OCA2: variants seen among roughly 807,000 people sequenced by gnomAD.
The protein encoded by OCA2 is P protein.
Under a neutral mutation model 100.2 loss-of-function variants are expected in OCA2, and 77 were observed. The ratio of observed to expected loss-of-function variants is 0.77; its 90% confidence interval spans 0.64 to 0.93. The LOEUF is 0.93. OCA2 is among the 40% of genes least tolerant of loss of function. The pLI is 0.00. For missense variants in OCA2, 1,062 were observed against 1,089.1 expected (o/e 0.98, Z 0.35); for synonymous variants, 432 against 439.2 (o/e 0.98, Z 0.21).
intron 19 of OCA2, among the ~76,000 whole-genome samples, chr15:27,888,371 G>A (rs183707257): frequency 4.3e-4 from 65 of 152,224 alleles, no homozygotes; most frequent in African/African-American, 1.5e-3. Flanking sequence ...TAAAATAATA[G>A]ACAAAATATC....
chr15:28,089,962 T>G (rs2044844964), intron 1 of OCA2, among the ~76,000 whole-genome samples: 1 of 152,022 alleles, frequency 6.6e-6, no homozygotes, highest in Non-Finnish European at 1.5e-5. Context: ...AAAAATAAAA[T>G]TAAATAACAA....
intron 19 of OCA2, among the ~76,000 whole-genome samples, chr15:27,899,778 C>CT (rs1312952956): frequency 6.6e-6 from 1 of 152,174 alleles, no homozygotes; most frequent in Admixed American, 6.5e-5. Context: ...GGGTGCCACC[C>CT]TACAGCATGC....
chr15:27,986,440 T>C (rs2041353859), intron 12 of OCA2, 147 bp downstream of exon 12: 1 of 647,566 alleles, frequency 1.5e-6, no homozygotes. Flanking sequence ...ATAGCAAGTA[T>C]ACCCTGCCCT....
At chr15:28,020,342 G>A (rs941848405) in intron 6 of OCA2, among the ~76,000 whole-genome samples, 2 of 152,196 alleles carry the variant, frequency 1.3e-5, no homozygotes, top group African/African-American at 2.4e-5. Flanking sequence ...TGCTGTGCTC[G>A]CCTGGGATCT....
intron 23 of OCA2, among the ~76,000 whole-genome samples, chr15:27,830,825 A>C (rs978567411): frequency 6.6e-6 from 1 of 152,202 alleles, no homozygotes; most frequent in South Asian, 2.1e-4. Flanking sequence ...ACTGGTTAAC[A>C]ATCTCCCAGT....
Position 28,014,766 on chromosome 15 carries a change from T to A in OCA2, c.1044+10A>T. On this transcript the variant is annotated intron_variant, in intron 9 of 23. Transcript: ENST00000354638. ...CCCAGACAGATCGGGGGAGCAGGTG[T>A]GAAAGTTACCTCAAATATGATCAGC... 3.7e-6 allele frequency: 6 copies of A among 1,611,122 alleles called. No individual in the cohort carries two copies. The highest frequency in any genetic ancestry group is 5.1e-6 in the Non-Finnish European group (6 of 1,179,578).
At chr15:28,017,920 A>G (rs1277321372) in intron 7 of OCA2, among the ~76,000 whole-genome samples, 4 of 152,136 alleles carry the variant, frequency 2.6e-5, no homozygotes, top group Non-Finnish European at 5.9e-5. Flanking sequence ...CCTTTGCAGG[A>G]TGTGAATGAA....
chr15:27,869,455 A>G (rs17566498), intron 21 of OCA2, among the ~76,000 whole-genome samples: 10,760 of 152,326 alleles, frequency 0.071, 845 homozygotes, highest in African/African-American at 0.19. Context: ...TGTGGTGAAC[A>G]TATGGATATT....
intron 18 of OCA2, among the ~76,000 whole-genome samples, chr15:27,934,457 C>T (rs977589): frequency 0.31 from 47,343 of 152,096 alleles, 9,519 homozygotes; most frequent in Non-Finnish European, 0.46. Context: ...TTCACCGCTC[C>T]TCTAACACAG....
At chr15:27,907,149 A>G (rs529129775) in intron 19 of OCA2, among the ~76,000 whole-genome samples, 1 of 152,330 alleles carries the variant, frequency 6.6e-6, no homozygotes, top group South Asian at 2.1e-4. Flanking sequence ...AAACATAGCA[A>G]TTAATAACTT....
intron 21 of OCA2, among the ~76,000 whole-genome samples, chr15:27,859,124 AG>A (rs1241350698): frequency 2.0e-5 from 3 of 152,082 alleles, no homozygotes; most frequent in Admixed American, 6.5e-5. Flanking sequence ...AACTATAAAA[AG>A]GCAAGCAAAC....
chr15:27,994,874 A>G (rs1036972059), intron 9 of OCA2, among the ~76,000 whole-genome samples: 1 of 152,098 alleles, frequency 6.6e-6, no homozygotes, highest in African/African-American at 2.4e-5. Context: ...TAAATTCCAG[A>G]TAGGTGGGAT....
At chr15:28,025,781 A>T (rs2042730914) in intron 4 of OCA2, among the ~76,000 whole-genome samples, 1 of 152,262 alleles carries the variant, frequency 6.6e-6, no homozygotes, top group African/African-American at 2.4e-5. Context: ...ATGCTGGTAC[A>T]TAGCCCATGC....
In OCA2 at chr15:27,957,667, T is replaced by TAG; in HGVS notation, c.1704_1705insCT (p.Thr569LeufsTer60). On this transcript the variant is annotated frameshift_variant, in exon 16 of 24. Coordinates refer to ENST00000354638, the MANE Select transcript of OCA2 (RefSeq NM_000275.3). LOFTEE classifies it high-confidence loss of function. The surrounding 1 kb of genome is among the most constrained non-coding windows in gnomAD (Gnocchi z 4.3). The stretch of plus-strand genomic sequence containing the variant: ...CCCAGCAGCAGGCGGCGCACAGCTG[T>TAG]CTCCTCGCGGCTGGCCGGGCTGATG... 1 of 1,613,060 alleles carries TAG rather than the reference T, an allele frequency of 6.2e-7. No individual in the cohort carries two copies. Among genetic ancestry groups the TAG allele is most frequent in the African/African-American group, 1.3e-5 (1 of 75,016 alleles).
intron 22 of OCA2, among the ~76,000 whole-genome samples, chr15:27,850,615 C>G (rs1259772375): frequency 1.3e-5 from 2 of 152,164 alleles, no homozygotes; most frequent in African/African-American, 4.8e-5. Context: ...CACTGAATGA[C>G]ATTAATCCCC....
At chr15:27,722,760 CCTTT>C in the OCA2 span, among the ~76,000 whole-genome samples, 5 of 137,688 alleles carry the variant, frequency 3.6e-5, no homozygotes, top group East Asian at 2.1e-4. Flanking sequence ...TTCTTTCCTT[CCTTT>C]CTTTCTTTTC....
chr15:27,829,197 T>C (rs2034848773), intron 23 of OCA2, among the ~76,000 whole-genome samples: 1 of 152,000 alleles, frequency 6.6e-6, no homozygotes, highest in Non-Finnish European at 1.5e-5. Context: ...GATGGATAGA[T>C]GCTAAATGAG....
intron 21 of OCA2, among the ~76,000 whole-genome samples, chr15:27,851,797 A>G (rs2035762398): frequency 6.6e-6 from 1 of 151,986 alleles, no homozygotes; most frequent in Non-Finnish European, 1.5e-5. Context: ...AGCTCATAGA[A>G]CCCTGGAGTG....
chr15:27,988,683 T>C (rs1487005387), intron 11 of OCA2, among the ~76,000 whole-genome samples: 1 of 152,152 alleles, frequency 6.6e-6, no homozygotes, highest in African/African-American at 2.4e-5. Flanking sequence ...CAAACTAATA[T>C]AGCATTCCTT....
Sources: allele counts gnomAD v4.1 joint callset (sites outside exome capture counted in the v4.1 genomes callset), GRCh38; gene constraint gnomAD v4.1.1; non-coding constraint Gnocchi (gnomAD v3.1); transcripts MANE v1.5; gene names NCBI Gene and HGNC (gene_info 2026-07-23, HGNC 2026-07-21).